The following EDA variants were observed in gnomAD, a reference collection of about 807,000 sequenced individuals.
EDA encodes ectodysplasin A, also known as ectodysplasin-A.
A neutral mutation model predicts 23.6 loss-of-function variants in EDA; 2 were observed. The observed-to-expected ratio is 0.08, with a 90% CI of 0.03 to 0.27. EDA has a LOEUF of 0.27. Ranked by LOEUF, EDA falls within the 10% of genes least tolerant of loss-of-function variation. EDA has a pLI of 1.00. For missense variants in EDA, 229 were observed against 324.2 expected (o/e 0.71, Z 2.26); for synonymous variants, 131 against 132.0 (o/e 0.99, Z 0.05).
At chrX:69,943,089 A>G (rs147744584) in intron 1 of EDA, among the ~76,000 whole-genome samples, 1,239 of 110,735 alleles carry the variant, frequency 0.011, 24 homozygotes, top group African/African-American at 0.038. Flanking sequence ...AGGATTCTGA[A>G]TTTCTTCTCT....
At chrX:69,710,476 C>T (rs1242170633) in intron 1 of EDA, among the ~76,000 whole-genome samples, 2 of 111,183 alleles carry the variant, frequency 1.8e-5, no homozygotes, top group Non-Finnish European at 3.8e-5. Context: ...CTTGGCAATG[C>T]GGGCTCTTTT....
At chrX:69,793,654 C>T (rs1244479319) in intron 1 of EDA, among the ~76,000 whole-genome samples, 1 of 98,828 alleles carries the variant, frequency 1.0e-5, no homozygotes, top group Non-Finnish European at 2.0e-5. Flanking sequence ...CAGTTTTAGG[C>T]CTGTTATGCT....
intron 1 of EDA, among the ~76,000 whole-genome samples, chrX:69,677,574 G>A: frequency 8.9e-6 from 1 of 112,710 alleles, no homozygotes; most frequent in East Asian, 2.8e-4. Flanking sequence ...TTTCTCTGAT[G>A]GCCAGTGATG....
intron 1 of EDA, chrX:69,937,619 G>C: frequency 9.0e-7 from 1 of 1,117,198 alleles, no homozygotes; most frequent in Non-Finnish European, 1.2e-6. Context: ...CAAAGTACTG[G>C]GTCTCAATTC....
At chrX:69,725,782 A>G (rs1029295841) in intron 1 of EDA, among the ~76,000 whole-genome samples, 4 of 112,580 alleles carry the variant, frequency 3.6e-5, no homozygotes, top group Admixed American at 1.9e-4. Flanking sequence ...CAGACCAACC[A>G]TCCCTCAAGA....
chrX:69,892,095 G>A (rs2017942524), intron 1 of EDA, among the ~76,000 whole-genome samples: 1 of 111,262 alleles, frequency 9.0e-6, no homozygotes, highest in African/African-American at 3.3e-5. Context: ...AGTATTGAGG[G>A]GTACATATCA....
intron 1 of EDA, among the ~76,000 whole-genome samples, chrX:69,663,547 C>A (rs1328593768): frequency 1.8e-5 from 2 of 112,482 alleles, no homozygotes; most frequent in South Asian, 3.7e-4. Context: ...AGCAGTGGGG[C>A]CTTCATGGAG....
In EDA at chrX:69,765,123, C is replaced by G. The variant is rs770432638; in HGVS notation, c.396+148419C>G. Among the ~76,000 whole-genome samples, 15 of 112,027 alleles carry G rather than the reference C, an allele frequency of 1.3e-4. No individual in the cohort carries two copies. The Admixed American group carries it at 1.4e-3, about 11-fold the overall frequency. On this transcript the variant is annotated intron_variant, in intron 1 of 7. Transcript: ENST00000374552. ...CTGAACAGCCAGAACTTTCTGATCT[C>G]AAGCACTCTCTCAAAAAAAGTTCTT...
Position 70,035,694 on chromosome X carries a change from T to A in EDA, c.*85T>A. On this transcript the variant is annotated 3_prime_UTR_variant, in exon 8 of 8. Transcript: ENST00000374552. ...AGAACCTCTAAGTGCTGCTGTGGAG[T>A]GAGGTGTATTGGTGTTGCAGCCGCA... is the stretch of plus-strand genomic sequence containing the variant. The A allele has an allele frequency of 9.2e-7, 1 of 1,091,363 alleles. No homozygotes were observed. Among genetic ancestry groups the A allele is most frequent in the Non-Finnish European group, 1.3e-6 (1 of 796,853 alleles). 89.9% of individuals were successfully genotyped at this position (1,091,363 alleles called of 1,213,427 possible).
chrX:69,807,658 C>G (rs1422501257), intron 1 of EDA, among the ~76,000 whole-genome samples: 3 of 108,920 alleles, frequency 2.8e-5, no homozygotes, highest in Non-Finnish European at 1.9e-5. Context: ...CATAGACTTT[C>G]AATTTACAAC....
chrX:69,941,710 T>C (rs2018760678), intron 1 of EDA, among the ~76,000 whole-genome samples: 1 of 111,424 alleles, frequency 9.0e-6, no homozygotes. Flanking sequence ...GATCATTGGG[T>C]CTTGATTTTT....
rs781018868 is a variant in EDA, at chrX:69,633,686, G to A, written c.396+16982G>A. Reference sequence around the variant, plus strand: ...TTCATCCATGCTGGAACATGTATCCGTCCTTTTTCCCTTTTACAGGTGAAT... The same window carrying A: ...TTCATCCATGCTGGAACATGTATCCATCCTTTTTCCCTTTTACAGGTGAAT... On this transcript the variant is annotated intron_variant, in intron 1 of 7. Transcript: ENST00000374552. Among the ~76,000 whole-genome samples, 22 of 50,772 alleles carry A rather than the reference G, an allele frequency of 4.3e-4. No homozygotes were observed. In the South Asian group the frequency reaches 7.4e-3, roughly 17 times the overall value. The allele number at this position is 50,772 out of a possible 115,157, so 44.1% of individuals were successfully genotyped here. A position where few individuals can be genotyped will look rare whatever the true frequency, so the allele number is the denominator to read the frequency against.
In EDA at chrX:70,034,989, A is replaced by G. The variant is rs111944690; in HGVS notation, c.925-369A>G. ...ATGGAAGTCAGTTTGTGTCCACGGC[A>G]CTGTGTACACACCTGCTACGTGCAG... On this transcript the variant is annotated intron_variant, in intron 7 of 7. Transcript: ENST00000374552. 7.3e-3 allele frequency among the ~76,000 whole-genome samples: 760 copies of G among 104,535 alleles called. 6 individuals carry two copies. Among genetic ancestry groups the G allele is most frequent in the African/African-American group, 0.025 (715 of 28,529 alleles). 90.8% of individuals were successfully genotyped at this position (104,535 alleles called of 115,157 possible). A position where few individuals can be genotyped will look rare whatever the true frequency, so the allele number is the denominator to read the frequency against.
chrX:69,945,568 C>T (rs1156784314), intron 1 of EDA, among the ~76,000 whole-genome samples: 1 of 112,119 alleles, frequency 8.9e-6, no homozygotes, highest in African/African-American at 3.2e-5. Flanking sequence ...GGAAAGATAT[C>T]TTTAGTCCCT....
At position 69,808,391 on chromosome X, in the gene EDA, G is replaced by A. The variant is rs548584852; in HGVS notation, c.397-148636G>A. ...ATCAATATGTATCAGTACACATGGA[G>A]TATTGCCAACTTAGGAAGCTCACCT... On this transcript the variant is annotated intron_variant, in intron 1 of 7. Transcript: ENST00000374552. 2.0e-4 allele frequency among the ~76,000 whole-genome samples: 22 copies of A among 111,463 alleles called. No homozygotes were observed. The South Asian group carries it at 6.1e-3, about 31-fold the overall frequency.
chrX:69,822,645 TTAGAC>T (rs773234084), intron 1 of EDA, among the ~76,000 whole-genome samples: 1 of 112,154 alleles, frequency 8.9e-6, no homozygotes, highest in East Asian at 2.8e-4. Flanking sequence ...GTGTGGAAGA[TTAGAC>T]TAAATAAGTT....
intron 1 of EDA, among the ~76,000 whole-genome samples, chrX:69,695,061 T>C (rs780488650): frequency 6.9e-4 from 78 of 112,249 alleles, no homozygotes; most frequent in African/African-American, 2.4e-3. Context: ...GGCTCATGCC[T>C]GTAATCCCAG....
intron 1 of EDA, among the ~76,000 whole-genome samples, chrX:69,877,404 A>C (rs1345570379): frequency 1.8e-5 from 2 of 112,453 alleles, no homozygotes; most frequent in Non-Finnish European, 3.8e-5. Context: ...TATCTCAGAC[A>C]TCCTAATAAG....
intron 2 of EDA, among the ~76,000 whole-genome samples, chrX:69,987,218 T>C (rs2147460274): frequency 1.0e-5 from 1 of 97,276 alleles, no homozygotes; most frequent in East Asian, 3.5e-4. Flanking sequence ...GGCACATGTA[T>C]ACATATGTAA....
Sources: gnomAD v4.1 joint callset for allele counts (sites outside exome capture counted in the v4.1 genomes callset) on GRCh38, gnomAD v4.1.1 for gene constraint, MANE v1.5 for transcripts, NCBI Gene and HGNC (gene_info 2026-07-23, HGNC 2026-07-21) for gene names.